The following SH2D7 variants were observed in gnomAD, a reference collection of about 807,000 sequenced individuals.
SH2D7 encodes the protein SH2 domain-containing protein 7.
Under a neutral mutation model 40.8 loss-of-function variants are expected in SH2D7, and 32 were observed. The observed-to-expected ratio is 0.78, with a 90% CI of 0.59 to 1.05. SH2D7 has a LOEUF of 1.05. Among genes scored for constraint, SH2D7 ranks in the 50% least tolerant of loss-of-function variants. The probability of loss-of-function intolerance (pLI) is 0.00; values close to 1 mark genes in which losing one functional copy is unlikely to be tolerated. For missense variants in SH2D7, 559 were observed against 566.6 expected (o/e 0.99, Z 0.14); for synonymous variants, 195 against 221.5 (o/e 0.88, Z 1.06).
intron 3 of SH2D7, 131 bp from the exon 4 acceptor site, chr15:78,098,253 G>A: frequency 1.4e-6 from 2 of 1,393,236 alleles, no homozygotes; most frequent in Non-Finnish European, 2.0e-6. Flanking sequence ...AAGGGAGACT[G>A]TGGCAATGTC....
chr15:78,098,106 A>C lies in SH2D7; in HGVS notation c.432+12A>C, dbSNP rs761785464. 15 of 1,599,156 alleles carry C rather than the reference A, an allele frequency of 9.4e-6. No individual in the cohort carries two copies. Among genetic ancestry groups the C allele is most frequent in the Middle Eastern group, 3.3e-4 (2 of 6,028 alleles). On this transcript the variant is annotated intron_variant, in intron 3 of 5. Coordinates refer to ENST00000328828, the MANE Select transcript of SH2D7 (RefSeq NM_001101404.2). ...CTGCCTGCCCCCGGGTAGGCGCCCC[A>C]CTTCCCCAGGGTGAGGGTGGCAGGG...
At chr15:78,099,480 A>ATTTT (rs34331155) in intron 4 of SH2D7, among the ~76,000 whole-genome samples, 3 of 133,122 alleles carry the variant, frequency 2.3e-5, no homozygotes, top group African/African-American at 8.6e-5. Flanking sequence ...TGCCTGGCTA[A>ATTTT]TTTTTTTTTT....
Position 78,101,022 on chromosome 15 carries a change from G to C in SH2D7, c.769G>C (p.Gly257Arg). The C allele has an allele frequency of 1.2e-6, 2 of 1,612,722 alleles. No homozygotes were observed. Among genetic ancestry groups the C allele is most frequent in the Non-Finnish European group, 1.7e-6 (2 of 1,179,440 alleles). Residue 257 changes from glycine to arginine, a missense_variant, in exon 5 of 6, where the codon GGC (glycine) becomes CGC (arginine). Physicochemically the swap from Gly to Arg is moderately radical, Grantham distance 125. Coordinates refer to ENST00000328828, the MANE Select transcript of SH2D7 (RefSeq NM_001101404.2). ...RRMNQARLGL[G>R]TEGSGRHGPV... ...GATGAACCAGGCACGGCTAGGCTTGGGCACAGAGGGGTCCGGCAGGCATGG... is the reference window on the plus strand; with the variant it reads ...GATGAACCAGGCACGGCTAGGCTTGCGCACAGAGGGGTCCGGCAGGCATGG...
At chr15:78,099,056 C>T (rs980395595) in intron 4 of SH2D7, among the ~76,000 whole-genome samples, 1 of 151,978 alleles carries the variant, frequency 6.6e-6, no homozygotes, top group Non-Finnish European at 1.5e-5. Flanking sequence ...CTGCAATGCC[C>T]AGGCTGGAGT....
At chr15:78,094,798 G>T (rs534149161) in intron 2 of SH2D7, among the ~76,000 whole-genome samples, 1 of 152,284 alleles carries the variant, frequency 6.6e-6, no homozygotes, top group South Asian at 2.1e-4. Flanking sequence ...CTGGAGGTGT[G>T]GGGGCACTGG....
intron 2 of SH2D7, among the ~76,000 whole-genome samples, chr15:78,097,433 G>A (rs1384344216): frequency 6.6e-6 from 1 of 152,132 alleles, no homozygotes; most frequent in African/African-American, 2.4e-5. Context: ...GAGGGGGTGG[G>A]AGCTGGAACT....
In SH2D7 at chr15:78,103,657, C is replaced by T. The variant is rs2074031694; in HGVS notation, c.*142C>T. On this transcript the variant is annotated 3_prime_UTR_variant, in exon 6 of 6. Transcript: ENST00000328828. ...CCTGCTACAGAACTAGGCTCCGAGA[C>T]AGCCGAGGTGCCTGCCTGAGAGCAG... 1.9e-6 allele frequency: 2 copies of T among 1,039,596 alleles called. No homozygotes were observed. The highest frequency in any genetic ancestry group is 2.8e-6 in the Non-Finnish European group (2 of 723,936). 64.4% of individuals were successfully genotyped at this position (1,039,596 alleles called of 1,614,324 possible). A position where few individuals can be genotyped will look rare whatever the true frequency, so the allele number is the denominator to read the frequency against.
chr15:78,103,787 A>G lies in SH2D7; in HGVS notation c.*272A>G. ...GACTGGAGAGGAATGAGATTGGCCA[A>G]AGGCAGGGGTCACCACCCCCATTTC... On this transcript the variant is annotated 3_prime_UTR_variant, in exon 6 of 6. Transcript: ENST00000328828. 1 of 456,846 alleles carries G rather than the reference A, an allele frequency of 2.2e-6. No individual in the cohort carries two copies. The allele number at this position is 456,846 out of a possible 1,614,324, so 28.3% of individuals were successfully genotyped here.
At chr15:78,102,739 G>A (rs2074025609) in intron 5 of SH2D7, among the ~76,000 whole-genome samples, 6 of 148,952 alleles carry the variant, frequency 4.0e-5, no homozygotes, top group Admixed American at 4.0e-4. Context: ...GTGGCCAGGA[G>A]TGGGGCTGGT....
chr15:78,099,664 C>T (rs764940795), intron 4 of SH2D7, among the ~76,000 whole-genome samples: 6 of 151,988 alleles, frequency 3.9e-5, no homozygotes, highest in Non-Finnish European at 8.8e-5. Context: ...AGCATGCCAA[C>T]AGCTTCTCCT....
chr15:78,103,178 C>A (rs2141876907), intron 5 of SH2D7, among the ~76,000 whole-genome samples: 1 of 152,238 alleles, frequency 6.6e-6, no homozygotes, highest in South Asian at 2.1e-4. Context: ...CAGGGGAGAC[C>A]AGGGCACTCC....
rs761823743 is a variant in SH2D7 at position 78,100,854 on chromosome 15, G to A, written c.646-45G>A. Reference sequence around the variant, plus strand: ...AGAGTTTTTACTGGAGGGCATCTTAGTGATGGGCTGCCCCTTAAGAGTTTC... The same window carrying A: ...AGAGTTTTTACTGGAGGGCATCTTAATGATGGGCTGCCCCTTAAGAGTTTC... On this transcript the variant is annotated intron_variant, in intron 4 of 5. Transcript: ENST00000328828. The A allele has an allele frequency of 8.2e-6, 13 of 1,589,164 alleles. No individual in the cohort carries two copies. The Admixed American group carries it at 1.8e-4, about 22-fold the overall frequency.
upstream of SH2D7, among the ~76,000 whole-genome samples, chr15:78,092,331 A>C (rs2073944354): frequency 6.6e-6 from 1 of 152,178 alleles, no homozygotes; most frequent in Non-Finnish European, 1.5e-5. Context: ...GCTGGCCAGG[A>C]AGCCACGGAG....
rs758959296 is a variant in SH2D7 at position 78,098,366 on chromosome 15, G to A, written c.433-18G>A. Reference sequence around the variant, plus strand: ...GGGCATGTGTGACCACATACCTGCCGTATCCGCATGCTCCCAGCCAGAGGA... The same window carrying A: ...GGGCATGTGTGACCACATACCTGCCATATCCGCATGCTCCCAGCCAGAGGA... On this transcript the variant is annotated intron_variant, in intron 3 of 5. Transcript: ENST00000328828. 1.3e-5 allele frequency: 21 copies of A among 1,612,030 alleles called. No individual in the cohort carries two copies. Among genetic ancestry groups the A allele is most frequent in the African/African-American group, 8.0e-5 (6 of 74,836 alleles).
At chr15:78,095,899 G>A (rs2073968900) in intron 2 of SH2D7, among the ~76,000 whole-genome samples, 4 of 152,072 alleles carry the variant, frequency 2.6e-5, no homozygotes, top group African/African-American at 9.7e-5. Flanking sequence ...CTGGAGTGCA[G>A]TGGCGCGATC....
At chr15:78,102,937 G>A (rs1476383260) in intron 5 of SH2D7, among the ~76,000 whole-genome samples, 1 of 152,134 alleles carries the variant, frequency 6.6e-6, no homozygotes, top group East Asian at 1.9e-4. Context: ...AGTGCTGACG[G>A]CTCCTCCCTC....
Position 78,103,491 on chromosome 15 carries a change from C to T in SH2D7, c.1332C>T (p.Phe444=), listed in dbSNP as rs2074030724. Residue 444 remains phenylalanine (F), a synonymous_variant, in exon 6 of 6, where the codon TTC becomes TTT. Coordinates refer to ENST00000328828, the MANE Select transcript of SH2D7 (RefSeq NM_001101404.2). The part of the protein sequence containing the change: ...HKPDKLRRLF[F]TYRKHKF ...CTGACAAGCTTCGGAGGCTCTTCTT[C>T]ACGTACAGGAAGCACAAATTCTGAG... The T allele has an allele frequency of 6.4e-7, 1 of 1,564,736 alleles. No individual in the cohort carries two copies. Among genetic ancestry groups the T allele is most frequent in the Non-Finnish European group, 8.7e-7 (1 of 1,153,758 alleles).
Position 78,094,180 on chromosome 15 carries a change from C to G in SH2D7, c.245C>G (p.Thr82Ser). The part of the protein sequence containing the change: ...SFLIRLSDRA[T>S]GYILSYRGSD... The stretch of plus-strand genomic sequence containing the variant: ...CTTATCCGCCTCAGTGACCGAGCCA[C>G]TGGCTACATCTTGTCCTACAGGTAA... Residue 82 changes from threonine (T) to serine (S), a missense_variant, in exon 2 of 6, where the codon ACT becomes AGT. Transcript: ENST00000328828. 1 of 1,609,956 alleles carries G rather than the reference C, an allele frequency of 6.2e-7. No individual in the cohort carries two copies. Among genetic ancestry groups the G allele is most frequent in the Non-Finnish European group, 8.5e-7 (1 of 1,178,244 alleles).
chr15:78,101,251 C>T lies in SH2D7; in HGVS notation c.998C>T (p.Pro333Leu). ...GGGGCTACCTGGAGGCAGGAGTTTC[C>T]AAAGCTGAGCCAAGAGGCTCAGCCC... is the stretch of plus-strand genomic sequence containing the variant. Reference protein sequence around the residue: ...SLGATWRQEFPKLSQEAQPCS... With the variant: ...SLGATWRQEFLKLSQEAQPCS... Residue 333 changes from proline (P) to leucine (L), a missense_variant, in exon 5 of 6, where the codon CCA becomes CTA. Physicochemically the swap from Pro to Leu is moderately conservative, Grantham distance 98. Coordinates refer to ENST00000328828, the MANE Select transcript of SH2D7 (RefSeq NM_001101404.2). 6.2e-7 allele frequency: 1 copy of T among 1,606,548 alleles called. No individual in the cohort carries two copies. The highest frequency in any genetic ancestry group is 8.5e-7 in the Non-Finnish European group (1 of 1,177,234).
Sources: gnomAD v4.1 joint callset for allele counts (sites outside exome capture counted in the v4.1 genomes callset) on GRCh38, gnomAD v4.1.1 for gene constraint, MANE v1.5 for transcripts, NCBI Gene and HGNC (gene_info 2026-07-23, HGNC 2026-07-21) for gene names.